Variants in TENM3 observed in about 807,000 individuals in gnomAD.
TENM3 encodes the protein teneurin-3.
A neutral mutation model predicts 255.1 loss-of-function variants in TENM3; 63 were observed. The ratio of observed to expected loss-of-function variants is 0.25; its 90% CI spans 0.20 to 0.30. TENM3 has a LOEUF of 0.30. Ranked by LOEUF, TENM3 falls within the 10% of genes least tolerant of loss-of-function variation. TENM3 has a pLI of 1.00. For missense variants in TENM3, 2,929 were observed against 3,461.1 expected (o/e 0.85, Z 3.86); for synonymous variants, 1,306 against 1,322.3 (o/e 0.99, Z 0.27).
At chr4:182,393,596 G>A (rs17253540) in intron 3 of TENM3, among the ~76,000 whole-genome samples, 38,550 of 152,054 alleles carry the variant, frequency 0.25, 5,464 homozygotes, top group Middle Eastern at 0.37. Context: ...ACACAGAGTA[G>A]ACATTGACAA....
the TENM3 span, among the ~76,000 whole-genome samples, chr4:181,866,244 T>C: frequency 6.6e-6 from 1 of 152,220 alleles, no homozygotes; most frequent in Non-Finnish European, 1.5e-5. Context: ...GGCTGTTAAC[T>C]CTAAGCTATA....
intron 16 of TENM3, among the ~76,000 whole-genome samples, chr4:182,731,694 GGTGTGTGT>G (rs70956536): frequency 0.33 from 41,429 of 124,450 alleles, 6,618 homozygotes; most frequent in East Asian, 0.61. Context: ...TGGGTGTTGG[GGTGTGTGT>G]GTGTGTGTGT....
intron 3 of TENM3, among the ~76,000 whole-genome samples, chr4:182,578,848 T>G (rs1312996545): frequency 6.6e-6 from 1 of 152,216 alleles, no homozygotes; most frequent in African/African-American, 2.4e-5. Context: ...CCAGTGTTGT[T>G]TGGAAATCTC....
At position 182,625,550 on chromosome 4, in the gene TENM3, G is replaced by A. The variant is rs559460453; in HGVS notation, c.750-3101G>A. 1.2e-4 allele frequency among the ~76,000 whole-genome samples: 18 copies of A among 152,268 alleles called. No individual in the cohort carries two copies. In the South Asian group the frequency reaches 3.3e-3, roughly 28 times the overall value. On this transcript the variant is annotated intron_variant, in intron 4 of 27. Coordinates refer to ENST00000511685, the MANE Select transcript of TENM3 (RefSeq NM_001080477.4). ...GAAACCGGTCCCTGGTGCCAAAAAC[G>A]TTGGGGACCGCTGCAGTAAAGTAAG...
chr4:181,467,227 T>C, the TENM3 span, among the ~76,000 whole-genome samples: 1 of 147,130 alleles, frequency 6.8e-6, no homozygotes, highest in African/African-American at 2.6e-5. Flanking sequence ...CCTCCCATGT[T>C]TAAGCAATTC....
chr4:181,931,977 A>G, the TENM3 span, among the ~76,000 whole-genome samples: 1 of 152,204 alleles, frequency 6.6e-6, no homozygotes, highest in Non-Finnish European at 1.5e-5. Context: ...CAGAAAACTG[A>G]AACTGGACCC....
At chr4:182,357,229 A>C (rs1765616035) in intron 3 of TENM3, among the ~76,000 whole-genome samples, 2 of 151,812 alleles carry the variant, frequency 1.3e-5, no homozygotes, top group Admixed American at 1.3e-4. Context: ...TTGGGTATAT[A>C]CCCAGTAATG....
chr4:182,381,030 G>T (rs929545087), intron 3 of TENM3, among the ~76,000 whole-genome samples: 22 of 152,206 alleles, frequency 1.4e-4, no homozygotes, highest in Admixed American at 1.1e-3. Context: ...GGCTGACGCT[G>T]ACGGGCAGTC....
chr4:182,586,544 C>G (rs1177533055), intron 3 of TENM3, among the ~76,000 whole-genome samples: 2 of 152,146 alleles, frequency 1.3e-5, no homozygotes, highest in Non-Finnish European at 2.9e-5. Flanking sequence ...GAAGGGAATT[C>G]AGCAAATACA....
the TENM3 span, among the ~76,000 whole-genome samples, chr4:182,048,629 C>T: frequency 1.3e-5 from 2 of 152,172 alleles, no homozygotes; most frequent in Admixed American, 1.3e-4. Context: ...GTTTTTGTAC[C>T]TCTATAAAGG....
At chr4:181,601,306 G>A in the TENM3 span, among the ~76,000 whole-genome samples, 7 of 152,106 alleles carry the variant, frequency 4.6e-5, no homozygotes, top group Non-Finnish European at 5.9e-5. Context: ...TGGTATGTTC[G>A]TTTGCTATGG....
At chr4:181,758,260 A>G in the TENM3 span, among the ~76,000 whole-genome samples, 1 of 152,224 alleles carries the variant, frequency 6.6e-6, no homozygotes, top group Non-Finnish European at 1.5e-5. Flanking sequence ...CAGAAGGCCC[A>G]GCAGAAGCAT....
At chr4:182,165,144 C>T (rs1444784999) in intron 1 of TENM3, among the ~76,000 whole-genome samples, 1 of 152,148 alleles carries the variant, frequency 6.6e-6, no homozygotes, top group East Asian at 1.9e-4. Context: ...TCTGGTCATC[C>T]TTCAAGTCCC....
chr4:181,525,107 T>C, the TENM3 span, among the ~76,000 whole-genome samples: 5 of 152,142 alleles, frequency 3.3e-5, no homozygotes, highest in Non-Finnish European at 7.4e-5. Context: ...TCAGTGCTAA[T>C]TAAGAATGCA....
At chr4:182,757,056 T>A (rs1460360291) in intron 22 of TENM3, among the ~76,000 whole-genome samples, 1 of 152,064 alleles carries the variant, frequency 6.6e-6, no homozygotes, top group Non-Finnish European at 1.5e-5. Context: ...CTCACACCTG[T>A]AATCCCAGCA....
At chr4:181,845,950 A>G in the TENM3 span, among the ~76,000 whole-genome samples, 160 of 152,204 alleles carry the variant, frequency 1.1e-3, no homozygotes, top group African/African-American at 3.6e-3. Flanking sequence ...TCATTTTCCT[A>G]CTAATAAGCT....
chr4:182,386,213 C>T (rs941982138), intron 3 of TENM3, among the ~76,000 whole-genome samples: 5 of 152,162 alleles, frequency 3.3e-5, no homozygotes, highest in African/African-American at 9.7e-5. Flanking sequence ...GATTTGGAAC[C>T]CTCATAATTG....
chr4:181,872,752 G>A, the TENM3 span, among the ~76,000 whole-genome samples: 29 of 152,082 alleles, frequency 1.9e-4, no homozygotes, highest in East Asian at 1.2e-3. Context: ...GCATGAGAAC[G>A]GACAGAGGTA....
chr4:182,331,328 T>C (rs1172235872), intron 2 of TENM3, among the ~76,000 whole-genome samples: 1 of 152,136 alleles, frequency 6.6e-6, no homozygotes, highest in East Asian at 1.9e-4. Flanking sequence ...GATGGATCAC[T>C]TGAGGCCAGG....
Sources: allele counts gnomAD v4.1 joint callset (sites outside exome capture counted in the v4.1 genomes callset), GRCh38; gene constraint gnomAD v4.1.1; transcripts MANE v1.5; gene names NCBI Gene and HGNC (gene_info 2026-07-23, HGNC 2026-07-21).